The following MLLT3 variants were observed in gnomAD, a reference collection of about 807,000 sequenced individuals.
The protein encoded by MLLT3 is MLLT3 super elongation complex subunit.
A neutral mutation model predicts 53.2 loss-of-function variants in MLLT3; 4 were observed. The ratio of observed to expected loss-of-function variants is 0.08; its 90% CI spans 0.04 to 0.17. The LOEUF (loss-of-function observed/expected upper bound fraction) is 0.17. Ranked by LOEUF, MLLT3 falls within the 10% of genes least tolerant of loss-of-function variation. The pLI, the probability that MLLT3 is intolerant of heterozygous loss-of-function variation, is 1.00. For synonymous variants in MLLT3, 283 were observed against 230.6 expected (o/e 1.23, Z -2.06); for missense variants, 569 against 684.0 (o/e 0.83, Z 1.87).
At chr9:20,560,562 C>T (rs1161545782) in intron 2 of MLLT3, among the ~76,000 whole-genome samples, 1 of 152,024 alleles carries the variant, frequency 6.6e-6, no homozygotes, top group Non-Finnish European at 1.5e-5. Context: ...TTTTTACAAA[C>T]GTGATGTTGA....
At chr9:20,591,285 G>A (rs1389701419) in intron 2 of MLLT3, among the ~76,000 whole-genome samples, 1 of 152,082 alleles carries the variant, frequency 6.6e-6, no homozygotes, top group Non-Finnish European at 1.5e-5. Flanking sequence ...CTGCAATTTG[G>A]GCACTGGGGG....
chr9:20,352,721 A>C (rs911101410), intron 10 of MLLT3, among the ~76,000 whole-genome samples: 8 of 151,778 alleles, frequency 5.3e-5, no homozygotes, highest in South Asian at 2.1e-4. Context: ...AAAAAAAAAA[A>C]AAAAAACCCA....
intron 2 of MLLT3, among the ~76,000 whole-genome samples, chr9:20,538,827 G>A (rs934169598): frequency 2.0e-5 from 3 of 152,102 alleles, no homozygotes; most frequent in African/African-American, 7.2e-5. Context: ...CCACAACAAA[G>A]CAAATATCAC....
chr9:20,453,713 C>A (rs549379711), intron 3 of MLLT3, among the ~76,000 whole-genome samples: 2 of 152,272 alleles, frequency 1.3e-5, no homozygotes, highest in African/African-American at 4.8e-5. Context: ...TCAATAATTT[C>A]TTTAAAAAAT....
chr9:20,582,953 T>G (rs1819838782), intron 2 of MLLT3, among the ~76,000 whole-genome samples: 1 of 152,026 alleles, frequency 6.6e-6, no homozygotes, highest in Non-Finnish European at 1.5e-5. Flanking sequence ...AACCATGCCT[T>G]CCCAATACTC....
intron 5 of MLLT3, among the ~76,000 whole-genome samples, chr9:20,375,976 G>A (rs936823942): frequency 6.6e-5 from 10 of 151,998 alleles, no homozygotes; most frequent in African/African-American, 2.4e-4. Flanking sequence ...CTTGAGACTG[G>A]CATTAATAGG....
intron 2 of MLLT3, among the ~76,000 whole-genome samples, chr9:20,587,430 A>G (rs1158920744): frequency 6.6e-6 from 1 of 152,196 alleles, no homozygotes; most frequent in Non-Finnish European, 1.5e-5. Context: ...CCTTCAGTGC[A>G]TAAGAGAGCC....
chr9:20,397,901 T>C (rs1457801007), intron 5 of MLLT3, among the ~76,000 whole-genome samples: 4 of 152,074 alleles, frequency 2.6e-5, no homozygotes. Context: ...TATATATGTA[T>C]TTCCAAATAC....
intron 4 of MLLT3, among the ~76,000 whole-genome samples, chr9:20,416,036 C>A (rs561947103): frequency 1.3e-5 from 2 of 151,932 alleles, no homozygotes; most frequent in African/African-American, 4.8e-5. Context: ...TAGAAAACAT[C>A]ATAATCTGAG....
At chr9:20,430,921 A>G (rs1024914444) in intron 4 of MLLT3, among the ~76,000 whole-genome samples, 1 of 152,158 alleles carries the variant, frequency 6.6e-6, no homozygotes, top group Non-Finnish European at 1.5e-5. Context: ...ACATGAACAA[A>G]CATTTCACAG....
intron 5 of MLLT3, among the ~76,000 whole-genome samples, chr9:20,379,963 T>C (rs1257046921): frequency 3.3e-5 from 5 of 152,108 alleles, no homozygotes; most frequent in Non-Finnish European, 4.4e-5. Context: ...AGAATCTCTA[T>C]TTTTGAAGAA....
chr9:20,549,254 T>C (rs1818867880), intron 2 of MLLT3, among the ~76,000 whole-genome samples: 1 of 152,094 alleles, frequency 6.6e-6, no homozygotes. Flanking sequence ...AAAAGCCAAG[T>C]AGCTATAATT....
rs369630971 is a variant in MLLT3 at position 20,565,954 on chromosome 9, TTA to T, written c.193+54698_193+54699del. On this transcript the variant is annotated intron_variant, in intron 2 of 10. Coordinates refer to ENST00000380338, the MANE Select transcript of MLLT3 (RefSeq NM_004529.4). ...TATATATATTTATATATATATATAT[TTA>T]TATATATATATTTATATATATATAT... Among the ~76,000 whole-genome samples, 155 of 34,664 alleles carry T rather than the reference TTA, an allele frequency of 4.5e-3. 4 individuals carry two copies. Among genetic ancestry groups the T allele is most frequent in the East Asian group, 0.023 (4 of 174 alleles). 22.7% of individuals were successfully genotyped at this position (34,664 alleles called of 152,430 possible).
At chr9:20,546,794 C>T (rs984718725) in intron 2 of MLLT3, among the ~76,000 whole-genome samples, 13 of 152,256 alleles carry the variant, frequency 8.5e-5, no homozygotes, top group African/African-American at 3.1e-4. Flanking sequence ...AGGGGCCATA[C>T]AGGGGATCGA....
chr9:20,442,707 C>A (rs941000762), intron 4 of MLLT3, among the ~76,000 whole-genome samples: 2 of 152,150 alleles, frequency 1.3e-5, no homozygotes, highest in African/African-American at 4.8e-5. Flanking sequence ...ATAAGCAAAA[C>A]CCCTCGCTGG....
At position 20,587,676 on chromosome 9, in the gene MLLT3, G is replaced by T. The variant is rs553389987; in HGVS notation, c.193+32978C>A. Reference sequence around the variant, plus strand: ...GTCTGTTCATGTCCTTTGCCCACTTGTTGATGGGGTTGTTTGTTTTTTTCT... The same window carrying T: ...GTCTGTTCATGTCCTTTGCCCACTTTTTGATGGGGTTGTTTGTTTTTTTCT... On this transcript the variant is annotated intron_variant, in intron 2 of 10. Coordinates refer to ENST00000380338, the MANE Select transcript of MLLT3 (RefSeq NM_004529.4). Among the ~76,000 whole-genome samples, 636 of 152,176 alleles carry T rather than the reference G, an allele frequency of 4.2e-3. 2 individuals carry two copies. The highest frequency in any genetic ancestry group is 6.6e-3 in the Admixed American group (101 of 15,278).
intron 2 of MLLT3, among the ~76,000 whole-genome samples, chr9:20,588,279 G>A (rs956839009): frequency 2.0e-5 from 3 of 149,972 alleles, no homozygotes; most frequent in African/African-American, 7.3e-5. Context: ...GTAGTGTGAT[G>A]CCTCCAGCTT....
intron 4 of MLLT3, among the ~76,000 whole-genome samples, chr9:20,429,005 C>T (rs552760339): frequency 1.1e-4 from 17 of 152,136 alleles, no homozygotes; most frequent in South Asian, 4.2e-4. Context: ...ACATCAAGCC[C>T]ACAGGGTTTT....
chr9:20,619,518 T>A (rs1820933202), intron 2 of MLLT3, among the ~76,000 whole-genome samples: 1 of 152,234 alleles, frequency 6.6e-6, no homozygotes, highest in African/African-American at 2.4e-5. Context: ...TATTATGATA[T>A]TACTCTAAGA....
Sources: gnomAD v4.1 joint callset for allele counts (sites outside exome capture counted in the v4.1 genomes callset) on GRCh38, gnomAD v4.1.1 for gene constraint, MANE v1.5 for transcripts, NCBI Gene and HGNC (gene_info 2026-07-23, HGNC 2026-07-21) for gene names.